Variants in GALNT5 observed in about 807,000 individuals in gnomAD.
GALNT5 encodes UDP-GalNAc:polypeptide N-acetylgalactosaminyltransferase 5.
GALNT5 carries 72 observed loss-of-function variants against 85.4 expected under a neutral mutation model. The ratio of observed to expected loss-of-function variants is 0.84; its 90% CI spans 0.70 to 1.03. The LOEUF is 1.03. Among genes scored for constraint, GALNT5 ranks in the 50% least tolerant of loss-of-function variants. The pLI, the probability that GALNT5 is intolerant of heterozygous loss-of-function variation, is 0.00. For missense variants in GALNT5, 1,137 were observed against 1,135.5 expected, an observed-to-expected ratio of 1.00 and a Z score of -0.02; for synonymous variants, 404 against 397.0, an observed-to-expected ratio of 1.02 and a Z score of -0.21.
At chr2:157,295,907 T>C in intron 4 of GALNT5, 109 bp downstream of exon 4, 2 of 753,854 alleles carry the variant, frequency 2.7e-6, no homozygotes, top group Non-Finnish European at 4.3e-6. Context: ...ATCCAAGACA[T>C]ATACAGTTTA....
chr2:157,278,092 G>T (rs1437369884), intron 1 of GALNT5, among the ~76,000 whole-genome samples: 4 of 152,110 alleles, frequency 2.6e-5, no homozygotes, highest in Non-Finnish European at 5.9e-5. Context: ...GCTTAGTTTG[G>T]CTGGATATGA....
At chr2:157,311,114 C>T in intron 9 of GALNT5, 94 bp from the exon 10 acceptor site, 1 of 939,558 alleles carries the variant, frequency 1.1e-6, no homozygotes, top group Non-Finnish European at 1.7e-6. Context: ...AAAAATATAA[C>T]TGCCTGTCCA....
intron 1 of GALNT5, among the ~76,000 whole-genome samples, chr2:157,280,343 G>C (rs1411202168): frequency 1.3e-5 from 2 of 152,178 alleles, no homozygotes; most frequent in African/African-American, 4.8e-5. Flanking sequence ...CCAGGCAGAG[G>C]TTTCACCCAG....
rs192115073 is a variant in GALNT5, at chr2:157,260,752, A to C, written c.1454+1216A>C. Among the ~76,000 whole-genome samples the C allele has an allele frequency of 1.6e-3, 238 of 152,346 alleles. 1 individual carries two copies. Among genetic ancestry groups the C allele is most frequent in the African/African-American group, 5.4e-3 (226 of 41,574 alleles). ...ACAGGAGAAGCTTTATCCACATTAG[A>C]AAGAAGAGTCTCTTCATTGTGATGT... On this transcript the variant is annotated intron_variant, in intron 1 of 9. Coordinates refer to ENST00000259056, the MANE Select transcript of GALNT5 (RefSeq NM_014568.3).
rs906147747 is a variant in GALNT5, at chr2:157,315,873, G to C, written c.*4525G>C. Among the ~76,000 whole-genome samples the C allele has an allele frequency of 3.9e-5, 6 of 152,160 alleles. No individual in the cohort carries two copies. The highest frequency in any genetic ancestry group is 1.4e-4 in the African/African-American group (6 of 41,440). On this transcript the variant is annotated 3_prime_UTR_variant, in exon 10 of 10. Transcript: ENST00000259056. ...AGTGGAAAGTTTAATAGATAAAGAA[G>C]AGAGTGAGAAAGCTTCCTCATGTTG...
chr2:157,282,898 C>T lies in GALNT5; in HGVS notation c.1455-1384C>T, dbSNP rs564841870. ...TATGAAGACTGAATTCAATTATGTA[C>T]AGAATAGCACTTTGGCAACACTAGA... On this transcript the variant is annotated intron_variant, in intron 1 of 9. Coordinates refer to ENST00000259056, the MANE Select transcript of GALNT5 (RefSeq NM_014568.3). Among the ~76,000 whole-genome samples, 93 of 152,256 alleles carry T rather than the reference C, an allele frequency of 6.1e-4. 1 individual carries two copies. The highest frequency in any genetic ancestry group is 6.0e-3 in the Admixed American group (92 of 15,304).
chr2:157,305,919 A>G, intron 8 of GALNT5, 90 bp downstream of exon 8: 1 of 729,272 alleles, frequency 1.4e-6, no homozygotes, highest in Admixed American at 2.6e-5. Context: ...TCTTTGCCCA[A>G]CAGAAAAATA....
intron 3 of GALNT5, among the ~76,000 whole-genome samples, chr2:157,287,985 C>T (rs1683014393): frequency 1.3e-5 from 2 of 152,162 alleles, no homozygotes; most frequent in African/African-American, 4.8e-5. Context: ...GCAAGCTCCC[C>T]CATCTAGCCA....
In GALNT5 at chr2:157,278,419, G is replaced by A. The variant is rs149223647; in HGVS notation, c.1455-5863G>A. Among the ~76,000 whole-genome samples the A allele has an allele frequency of 2.7e-3, 408 of 152,246 alleles. 1 individual carries two copies. The highest frequency in any genetic ancestry group is 9.6e-3 in the African/African-American group (398 of 41,528). ...ATCCTGAAGTGTGTTTTCCAACTTG[G>A]TTCCATTCTCCCCATCACTTTCAGG... On this transcript the variant is annotated intron_variant, in intron 1 of 9. Coordinates refer to ENST00000259056, the MANE Select transcript of GALNT5 (RefSeq NM_014568.3).
At chr2:157,305,694 G>A in intron 7 of GALNT5, 55 bp from the exon 8 acceptor site, 1 of 976,078 alleles carries the variant, frequency 1.0e-6, no homozygotes. Context: ...GTGTCTGAAT[G>A]TCTTGTTTTA....
chr2:157,280,909 C>T (rs1363866432), intron 1 of GALNT5, among the ~76,000 whole-genome samples: 1 of 152,140 alleles, frequency 6.6e-6, no homozygotes, highest in Admixed American at 6.5e-5. Context: ...ATGCCTGCTC[C>T]CACTTCGTCT....
chr2:157,276,319 CA>C (rs1308946418), intron 1 of GALNT5, among the ~76,000 whole-genome samples: 1 of 152,118 alleles, frequency 6.6e-6, no homozygotes, highest in Non-Finnish European at 1.5e-5. Context: ...GTTTTGGTAT[CA>C]GGATGATGCT....
intron 6 of GALNT5, among the ~76,000 whole-genome samples, chr2:157,299,976 A>C (rs1235975091): frequency 6.6e-6 from 1 of 152,206 alleles, no homozygotes. Flanking sequence ...ACTCTCCTGG[A>C]ACATCTGTCT....
At chr2:157,286,304 A>G (rs1162670445) in intron 3 of GALNT5, among the ~76,000 whole-genome samples, 170 bp downstream of exon 3, 1 of 148,532 alleles carries the variant, frequency 6.7e-6, no homozygotes, top group Non-Finnish European at 1.5e-5. Flanking sequence ...AAACACACAT[A>G]GACACCTATT....
At chr2:157,282,719 C>A (rs77064647) in intron 1 of GALNT5, among the ~76,000 whole-genome samples, 10,506 of 146,534 alleles carry the variant, frequency 0.072, 1,215 homozygotes, top group African/African-American at 0.27. Context: ...TATCTATTTC[C>A]AAAGCCCATT....
rs1404821830 is a variant in GALNT5 at position 157,311,562 on chromosome 2, C to A, written c.*214C>A. The A allele has an allele frequency of 1.2e-5, 5 of 431,286 alleles. No homozygotes were observed. Among genetic ancestry groups the A allele is most frequent in the South Asian group, 3.0e-5 (1 of 33,554 alleles). 26.7% of individuals were successfully genotyped at this position (431,286 alleles called of 1,614,324 possible). A position where few individuals can be genotyped will look rare whatever the true frequency, so the allele number is the denominator to read the frequency against. On this transcript the variant is annotated 3_prime_UTR_variant, in exon 10 of 10. Transcript: ENST00000259056. ...GAAGTCCTTCTTCGGAACTGGGTGG[C>A]CTTTGAATTGCCTGCTTTCCACCCT...
At chr2:157,294,514 G>A (rs758142969) in intron 3 of GALNT5, among the ~76,000 whole-genome samples, 10 of 152,116 alleles carry the variant, frequency 6.6e-5, no homozygotes, top group Admixed American at 3.3e-4. Flanking sequence ...TGGCCTGAAT[G>A]GAGGCACCTG....
chr2:157,265,449 G>A lies in GALNT5; in HGVS notation c.1454+5913G>A, dbSNP rs777317786. 3.0e-4 allele frequency among the ~76,000 whole-genome samples: 46 copies of A among 152,294 alleles called. 1 individual carries two copies. Among genetic ancestry groups the A allele is most frequent in the Non-Finnish European group, 5.3e-4 (36 of 68,022 alleles). The stretch of plus-strand genomic sequence containing the variant: ...TCTAAAAAGAAAACAGCTAAACAGT[G>A]CCTAATTAATAGAAAACAGAAATGT... On this transcript the variant is annotated intron_variant, in intron 1 of 9. Transcript: ENST00000259056.
At chr2:157,267,177 T>A (rs139017500) in intron 1 of GALNT5, among the ~76,000 whole-genome samples, 4 of 151,582 alleles carry the variant, frequency 2.6e-5, no homozygotes, top group African/African-American at 9.7e-5. Flanking sequence ...GAGTAGAGAG[T>A]CAGAGAAATG....
Sources: allele counts gnomAD v4.1 joint callset (sites outside exome capture counted in the v4.1 genomes callset), GRCh38; gene constraint gnomAD v4.1.1; transcripts MANE v1.5; gene names NCBI Gene and HGNC (gene_info 2026-07-23, HGNC 2026-07-21).